The following PIGN variants were observed in gnomAD, a reference collection of about 807,000 sequenced individuals.
PIGN encodes the protein GPI ethanolamine phosphate transferase 1.
In PIGN, 117 loss-of-function variants were observed where a neutral mutation model predicts 125.4. The ratio of observed to expected loss-of-function variants is 0.93; its 90% CI spans 0.80 to 1.09. The LOEUF (loss-of-function observed/expected upper bound fraction) is 1.09, where lower values mean the gene tolerates loss of function less well. PIGN is among the 50% of genes least tolerant of loss of function. The pLI is 0.00. For missense variants in PIGN, 1,075 were observed against 1,094.9 expected, an observed-to-expected ratio of 0.98 and a Z score of 0.26; for synonymous variants, 392 against 377.8, an observed-to-expected ratio of 1.04 and a Z score of -0.44.
At chr18:62,146,529 T>G (rs76455916) in intron 9 of PIGN, among the ~76,000 whole-genome samples, 4,267 of 152,274 alleles carry the variant, frequency 0.028, 121 homozygotes, top group Middle Eastern at 0.058. Flanking sequence ...ATATTGTGAT[T>G]TGGGGACAAA....
chr18:62,147,328 G>C (rs1468521082), intron 8 of PIGN, among the ~76,000 whole-genome samples: 1 of 152,140 alleles, frequency 6.6e-6, no homozygotes, highest in East Asian at 1.9e-4. Flanking sequence ...GGAGGGGAAT[G>C]ATTAACAAAT....
chr18:62,161,399 C>A lies in PIGN; in HGVS notation c.-32-14G>T. 2.3e-6 allele frequency: 3 copies of A among 1,316,810 alleles called. No homozygotes were observed. Among genetic ancestry groups the A allele is most frequent in the Non-Finnish European group, 3.2e-6 (3 of 930,516 alleles). 81.6% of individuals were successfully genotyped at this position (1,316,810 alleles called of 1,614,324 possible). On this transcript the variant is annotated splice_polypyrimidine_tract_variant and intron_variant, in intron 3 of 30. Coordinates refer to ENST00000640252, the MANE Select transcript of PIGN (RefSeq NM_176787.5). The stretch of plus-strand genomic sequence containing the variant: ...CTTCAAGAACAGCTGAAAGAGAGAA[C>A]AAAATTAAATTGGGGTAAATCTTAA...
At position 62,154,582 on chromosome 18, in the gene PIGN, G is replaced by A; in HGVS notation, c.512C>T (p.Ala171Val). 1.9e-6 allele frequency: 3 copies of A among 1,587,848 alleles called. No homozygotes were observed. The highest frequency in any genetic ancestry group is 2.6e-6 in the Non-Finnish European group (3 of 1,157,126). ...AAAAACCCACGTATCCAGTTTTGTTGCATCTTGAGCACCAAAATCCTCTCT... is the reference window on the plus strand; with the variant it reads ...AAAAACCCACGTATCCAGTTTTGTTACATCTTGAGCACCAAAATCCTCTCT... The part of the protein sequence containing the change: ...AKREDFGAQD[A>V]TKLDTWVFDN... Residue 171 changes from alanine to valine, a missense_variant, in exon 7 of 31, where the codon GCA becomes GTA. Physicochemically the swap from Ala to Val is moderately conservative, Grantham distance 64. This residue lies in a region of PIGN where 915 missense variants were observed against 908.7 expected (regional missense o/e 1.01). Coordinates refer to ENST00000640252, the MANE Select transcript of PIGN (RefSeq NM_176787.5).
intron 10 of PIGN, among the ~76,000 whole-genome samples, chr18:62,144,592 C>G (rs2036251657): frequency 6.6e-6 from 1 of 152,154 alleles, no homozygotes; most frequent in Non-Finnish European, 1.5e-5. Flanking sequence ...CTGCCCTAAC[C>G]TTCATATGAA....
intron 1 of PIGN, among the ~76,000 whole-genome samples, chr18:62,183,260 G>GAA (rs11424248): frequency 3.9e-4 from 58 of 149,530 alleles, no homozygotes; most frequent in East Asian, 1.8e-3. Context: ...GTCACAGCTG[G>GAA]AAAAAAAAAA....
Position 62,105,560 on chromosome 18 carries a change from C to T in PIGN, c.1842G>A (p.Lys614=). The T allele has an allele frequency of 6.5e-7, 1 of 1,547,044 alleles. No individual in the cohort carries two copies. Among genetic ancestry groups the T allele is most frequent in the Non-Finnish European group, 8.8e-7 (1 of 1,141,966 alleles). The change falls in exon 20 of 31, where the codon AAG becomes AAA. Residue 614 remains lysine (K), a synonymous_variant. Coordinates refer to ENST00000640252, the MANE Select transcript of PIGN (RefSeq NM_176787.5). ...ATTCATACACTAGAGAGATGTCTGG[C>T]TTTCGACCTACAACCGGCATCAGTG... is the stretch of plus-strand genomic sequence containing the variant. ...VFPLMPVVGR[K]PDISLVMGAG...
chr18:62,065,914 G>GCTGCAGCCATC (rs1420630928), intron 30 of PIGN, among the ~76,000 whole-genome samples: 4 of 152,146 alleles, frequency 2.6e-5, no homozygotes, highest in African/African-American at 9.7e-5. Flanking sequence ...CAAAGGGGAT[G>GCTGCAGCCATC]CTGCAGCCAA....
At chr18:62,081,111 T>C (rs914148445) in intron 28 of PIGN, among the ~76,000 whole-genome samples, 1 of 152,208 alleles carries the variant, frequency 6.6e-6, no homozygotes, top group African/African-American at 2.4e-5. Context: ...ACTGGTTTGT[T>C]ATACTGAACT....
At chr18:62,160,011 G>T (rs1240301710) in intron 4 of PIGN, among the ~76,000 whole-genome samples, 1 of 152,208 alleles carries the variant, frequency 6.6e-6, no homozygotes, top group Non-Finnish European at 1.5e-5. Flanking sequence ...TACTCGGGAG[G>T]CTGAGGCAGG....
chr18:62,186,511 C>T (rs909841165), intron 1 of PIGN, among the ~76,000 whole-genome samples: 10 of 152,190 alleles, frequency 6.6e-5, no homozygotes, highest in African/African-American at 2.2e-4. Context: ...CGACGATGTT[C>T]CCAGATCCAG....
chr18:62,079,944 T>C (rs1426184418), intron 28 of PIGN, among the ~76,000 whole-genome samples: 4 of 152,288 alleles, frequency 2.6e-5, no homozygotes, highest in Non-Finnish European at 1.5e-5. Context: ...AGTTATTCAA[T>C]ATTATAATAA....
At chr18:62,102,391 T>C (rs917670668) in intron 21 of PIGN, among the ~76,000 whole-genome samples, 11 of 150,376 alleles carry the variant, frequency 7.3e-5, no homozygotes, top group Admixed American at 6.7e-5. Context: ...TGAAGTTTAT[T>C]TTCACCTGGG....
At chr18:62,139,320 G>A (rs937066875) in intron 12 of PIGN, among the ~76,000 whole-genome samples, 1 of 152,230 alleles carries the variant, frequency 6.6e-6, no homozygotes, top group African/African-American at 2.4e-5. Flanking sequence ...GGCATTGGCT[G>A]AGAGATAACT....
At chr18:62,135,572 T>A (rs2035895335) in intron 14 of PIGN, 1 of 151,306 alleles carries the variant, frequency 6.6e-6, no homozygotes, top group South Asian at 2.1e-4. Flanking sequence ...TGACGAAGAG[T>A]CCTTCCCTAA....
chr18:62,070,901 G>C (rs2032808386), intron 30 of PIGN, among the ~76,000 whole-genome samples: 1 of 151,986 alleles, frequency 6.6e-6, no homozygotes, highest in African/African-American at 2.4e-5. Context: ...GACCTCCCAG[G>C]CTCAAGCACT....
chr18:62,053,034 G>A (rs2031443261), intron 30 of PIGN: 1 of 337,680 alleles, frequency 3.0e-6, no homozygotes, highest in Admixed American at 4.8e-5. Flanking sequence ...TAAAAATCTG[G>A]GTAAAGACAA....
At chr18:62,099,576 T>C (rs1410036031) in intron 22 of PIGN, among the ~76,000 whole-genome samples, 5 of 151,986 alleles carry the variant, frequency 3.3e-5, no homozygotes, top group African/African-American at 1.2e-4. Flanking sequence ...ACTACAAAGC[T>C]ATAGTAACCC....
intron 23 of PIGN, among the ~76,000 whole-genome samples, chr18:62,030,895 C>T (rs2144888280): frequency 6.6e-6 from 1 of 152,100 alleles, no homozygotes; most frequent in African/African-American, 2.4e-5. Flanking sequence ...GAGGATGGTC[C>T]CAGCTACTCG....
chr18:62,121,161 C>T (rs536682116), intron 14 of PIGN, among the ~76,000 whole-genome samples: 11 of 152,208 alleles, frequency 7.2e-5, no homozygotes, highest in African/African-American at 2.4e-4. Context: ...TAAGGTAATG[C>T]TGAGAGATGA....
Sources: gnomAD v4.1 joint callset for allele counts (sites outside exome capture counted in the v4.1 genomes callset) on GRCh38, gnomAD v4.1.1 for gene constraint, gnomAD v4.1.1 regional missense constraint, MANE v1.5 for transcripts, NCBI Gene and HGNC (gene_info 2026-07-23, HGNC 2026-07-21) for gene names.